The following BAZ2B variants were observed in gnomAD, a reference collection of about 807,000 sequenced individuals.
The protein encoded by BAZ2B is bromodomain adjacent to zinc finger domain 2B.
In BAZ2B, 91 loss-of-function variants were observed where a neutral mutation model predicts 246.0. The ratio of observed to expected loss-of-function variants is 0.37; its 90% confidence interval spans 0.31 to 0.44. The LOEUF (loss-of-function observed/expected upper bound fraction) is 0.44. Among genes scored for constraint, BAZ2B ranks in the 20% least tolerant of loss-of-function variants. The pLI is 1.00. For synonymous variants in BAZ2B, 855 were observed against 860.0 expected (o/e 0.99, Z 0.10); for missense variants, 2,332 against 2,533.7 (o/e 0.92, Z 1.71).
chr2:159,673,673 T>TAA, the BAZ2B span, among the ~76,000 whole-genome samples: 41 of 145,556 alleles, frequency 2.8e-4, no homozygotes, highest in African/African-American at 9.9e-4. Flanking sequence ...TATGTAGCTG[T>TAA]AAAAAAAAAA....
At chr2:159,567,112 G>A (rs1682804797) in intron 1 of BAZ2B, among the ~76,000 whole-genome samples, 1 of 152,044 alleles carries the variant, frequency 6.6e-6, no homozygotes, top group Non-Finnish European at 1.5e-5. Flanking sequence ...GCATGGTGGT[G>A]TGCACCCGTA....
At chr2:159,366,368 C>T (rs750874) in intron 27 of BAZ2B, among the ~76,000 whole-genome samples, 15,817 of 152,162 alleles carry the variant, frequency 0.1, 1,283 homozygotes, top group African/African-American at 0.23. Context: ...TGGAACCTGT[C>T]GTCTTATGTG....
chr2:159,372,455 C>A (rs569468794), intron 27 of BAZ2B, among the ~76,000 whole-genome samples: 1 of 152,242 alleles, frequency 6.6e-6, no homozygotes, highest in South Asian at 2.1e-4. Flanking sequence ...GTTTACTGAG[C>A]ACATAAATGC....
chr2:159,630,769 C>T, the BAZ2B span, among the ~76,000 whole-genome samples: 2 of 152,026 alleles, frequency 1.3e-5, no homozygotes, highest in African/African-American at 4.8e-5. Context: ...CTCCTGACCT[C>T]GTGATCCGCC....
At chr2:159,615,380 A>C (rs1695730046) in intron 1 of BAZ2B, 1 of 152,240 alleles carries the variant, frequency 6.6e-6, no homozygotes, top group African/African-American at 2.4e-5. Context: ...AAAACATGAG[A>C]CCAAGGCACA....
chr2:159,397,455 A>G lies in BAZ2B; in HGVS notation c.2965-66T>C, dbSNP rs1395032774. The G allele has an allele frequency of 1.3e-5, 14 of 1,090,396 alleles. No homozygotes were observed. The East Asian group carries it at 3.3e-4, about 26-fold the overall frequency. 67.5% of individuals were successfully genotyped at this position (1,090,396 alleles called of 1,614,324 possible). A position where few individuals can be genotyped will look rare whatever the true frequency, so the allele number is the denominator to read the frequency against. On this transcript the variant is annotated intron_variant, in intron 18 of 36. Transcript: ENST00000392783. ...GATTTAGAACATGCTAAAAGTATTA[A>G]AAGTTCCTTTTCTGAGATTCTATAG...
At chr2:159,412,579 A>G in intron 13 of BAZ2B, 34 bp from the exon 14 acceptor site, 2 of 1,553,814 alleles carry the variant, frequency 1.3e-6, no homozygotes, top group East Asian at 2.4e-5. Context: ...ATAATATATT[A>G]CAAACAAAAT....
At chr2:159,353,600 G>A (rs1459852390) in intron 27 of BAZ2B, among the ~76,000 whole-genome samples, 1 of 152,200 alleles carries the variant, frequency 6.6e-6, no homozygotes, top group African/African-American at 2.4e-5. Flanking sequence ...AACCCCTCGA[G>A]TATTTAGCTA....
At chr2:159,391,051 T>C (rs1037596600) in intron 20 of BAZ2B, among the ~76,000 whole-genome samples, 1 of 152,174 alleles carries the variant, frequency 6.6e-6, no homozygotes, top group African/African-American at 2.4e-5. Flanking sequence ...AATAACTTTT[T>C]TCCCCTAGAA....
intron 27 of BAZ2B, among the ~76,000 whole-genome samples, chr2:159,367,198 T>C (rs1034691382): frequency 1.3e-5 from 2 of 152,208 alleles, no homozygotes; most frequent in African/African-American, 4.8e-5. Flanking sequence ...TCGAAATATA[T>C]AGTGGTATGA....
rs552744155 is a variant in BAZ2B at position 159,463,046 on chromosome 2, C to T, written c.146-9245G>A. On this transcript the variant is annotated intron_variant, in intron 3 of 36. Coordinates refer to ENST00000392783, the MANE Select transcript of BAZ2B (RefSeq NM_013450.4). ...TGCTCTGTAATTATGACCTGATCTT[C>T]ACATCCTTCCATCTTCACGGGTGTG... 3 of 728,900 alleles carry T rather than the reference C, an allele frequency of 4.1e-6. No homozygotes were observed. The South Asian group carries it at 4.6e-5, about 11-fold the overall frequency. The allele number at this position is 728,900 out of a possible 1,614,324, so 45.2% of individuals were successfully genotyped here.
chr2:159,375,016 G>C (rs1012279976), intron 25 of BAZ2B, among the ~76,000 whole-genome samples: 1 of 152,008 alleles, frequency 6.6e-6, no homozygotes, highest in African/African-American at 2.4e-5. Context: ...AGGAATTTGA[G>C]ACCAGCCTGG....
rs138264805 is a variant in BAZ2B at position 159,395,627 on chromosome 2, A to C, written c.3075+142T>G. 1.5e-3 allele frequency: 884 copies of C among 598,010 alleles called. 7 individuals are homozygous for C. In the African/African-American group the frequency reaches 0.015, roughly 10 times the overall value. The allele number at this position is 598,010 out of a possible 1,614,324, so 37.0% of individuals were successfully genotyped here. On this transcript the variant is annotated intron_variant, in intron 20 of 36. Transcript: ENST00000392783. ...TTTTATGTTCTAACACTCAGTTGCT[A>C]TCTCTAAACTTTTGGTTTGCATATG...
the BAZ2B span, among the ~76,000 whole-genome samples, chr2:159,624,227 T>A: frequency 5.3e-5 from 8 of 152,176 alleles, no homozygotes; most frequent in Admixed American, 2.6e-4. Flanking sequence ...CCCAACTCCC[T>A]GGGACACAGC....
intron 31 of BAZ2B, among the ~76,000 whole-genome samples, chr2:159,343,303 A>C (rs1159355604): frequency 1.3e-5 from 2 of 152,194 alleles, no homozygotes; most frequent in African/African-American, 4.8e-5. Flanking sequence ...ACCCCAAATG[A>C]TAAAACTACA....
chr2:159,534,004 A>G (rs1009622097), intron 2 of BAZ2B, among the ~76,000 whole-genome samples: 26 of 152,234 alleles, frequency 1.7e-4, no homozygotes, highest in African/African-American at 6.3e-4. Flanking sequence ...GTTTTCCTTT[A>G]ACGAGAGGCC....
At chr2:159,658,724 G>A in the BAZ2B span, among the ~76,000 whole-genome samples, 1 of 152,058 alleles carries the variant, frequency 6.6e-6, no homozygotes, top group Admixed American at 6.6e-5. Context: ...TTACCATGTT[G>A]CCCAGGCTGG....
chr2:159,516,203 TA>T (rs1479906357), intron 2 of BAZ2B: 1 of 152,038 alleles, frequency 6.6e-6, no homozygotes, highest in African/African-American at 2.4e-5. Flanking sequence ...AAAACAATGT[TA>T]AAAAGTAAAG....
intron 2 of BAZ2B, among the ~76,000 whole-genome samples, chr2:159,498,927 A>G (rs993937637): frequency 1.3e-5 from 2 of 152,204 alleles, no homozygotes; most frequent in African/African-American, 4.8e-5. Flanking sequence ...CTTAAGTTGG[A>G]GAAAATATTT....
Sources: allele counts gnomAD v4.1 joint callset (sites outside exome capture counted in the v4.1 genomes callset), GRCh38; gene constraint gnomAD v4.1.1; transcripts MANE v1.5; gene names NCBI Gene and HGNC (gene_info 2026-07-23, HGNC 2026-07-21).